VAV2: variants seen among roughly 807,000 people sequenced by gnomAD.
VAV2 encodes the protein guanine nucleotide exchange factor VAV2.
A neutral mutation model predicts 132.5 loss-of-function variants in VAV2; 67 were observed. That is an observed-to-expected ratio of 0.51 (90% CI 0.42 to 0.62). The LOEUF (loss-of-function observed/expected upper bound fraction) is 0.62. VAV2 is among the 20% of genes least tolerant of loss of function. The probability of loss-of-function intolerance (pLI) is 0.00; values close to 1 mark genes in which losing one functional copy is unlikely to be tolerated. For missense variants in VAV2, 938 were observed against 1,153.6 expected, an observed-to-expected ratio of 0.81 and a Z score of 2.71; for synonymous variants, 492 against 443.5, an observed-to-expected ratio of 1.11 and a Z score of -1.37.
chr9:133,988,645 C>A (rs1842926732), intron 1 of VAV2, among the ~76,000 whole-genome samples: 2 of 152,190 alleles, frequency 1.3e-5, no homozygotes, highest in African/African-American at 2.4e-5. Context: ...GAGTTTCAGC[C>A]GGACGCGGGG....
chr9:133,893,693 G>C (rs551529705), intron 2 of VAV2, among the ~76,000 whole-genome samples: 1 of 152,276 alleles, frequency 6.6e-6, no homozygotes, highest in South Asian at 2.1e-4. Flanking sequence ...TTCCTCCGTC[G>C]CCACACGGCA....
In VAV2 at chr9:133,912,833, C is replaced by T. The variant is rs1023978578; in HGVS notation, c.321+26270G>A. Reference sequence around the variant, plus strand: ...CGTTCCGTCCCTCTAAAATCAGAGTCGTCCTGTGAGCCAGTGACCACTCGT... The same window carrying T: ...CGTTCCGTCCCTCTAAAATCAGAGTTGTCCTGTGAGCCAGTGACCACTCGT... On this transcript the variant is annotated intron_variant, in intron 2 of 29. Coordinates refer to ENST00000371850, the MANE Select transcript of VAV2 (RefSeq NM_001134398.2). This position sits in a 1 kb window ranked among gnomAD's most constrained non-coding sequence, Gnocchi z 4.3. Among the ~76,000 whole-genome samples, 3 of 152,200 alleles carry T rather than the reference C, an allele frequency of 2.0e-5. No individual in the cohort carries two copies. Among genetic ancestry groups the T allele is most frequent in the African/African-American group, 4.8e-5 (2 of 41,440 alleles).
intron 5 of VAV2, among the ~76,000 whole-genome samples, chr9:133,811,375 A>G (rs1349686860): frequency 2.0e-5 from 3 of 152,222 alleles, no homozygotes; most frequent in Non-Finnish European, 4.4e-5. Flanking sequence ...AAACACTGAA[A>G]TCAGCTTTCT....
intron 2 of VAV2, among the ~76,000 whole-genome samples, chr9:133,867,843 G>A (rs370567955): frequency 3.3e-5 from 5 of 152,222 alleles, no homozygotes; most frequent in African/African-American, 9.7e-5. Context: ...AGTGTGGGGC[G>A]GTCCACCTGG....
chr9:133,855,363 T>C (rs2510250), intron 3 of VAV2, among the ~76,000 whole-genome samples: 18,780 of 152,220 alleles, frequency 0.12, 3,359 homozygotes, highest in African/African-American at 0.39. Flanking sequence ...GTAGGTGATT[T>C]GGGAAGGCAA....
chr9:133,821,188 G>A (rs934754094), intron 4 of VAV2, among the ~76,000 whole-genome samples: 2 of 152,212 alleles, frequency 1.3e-5, no homozygotes, highest in South Asian at 4.1e-4. Context: ...AGAAGCGTGT[G>A]GAGGCTCCGT....
intron 2 of VAV2, among the ~76,000 whole-genome samples, chr9:133,894,498 C>T (rs560697582): frequency 8.0e-4 from 122 of 152,310 alleles, no homozygotes; most frequent in African/African-American, 2.8e-3. Context: ...GAGAGGCCCC[C>T]AGAAACCCCA....
At chr9:133,861,879 C>T (rs1466520043) in intron 2 of VAV2, among the ~76,000 whole-genome samples, 4 of 152,358 alleles carry the variant, frequency 2.6e-5, no homozygotes, top group East Asian at 3.9e-4. Context: ...CCAGAGAGGT[C>T]AAGTGACCTG....
rs1564471573 is a variant in VAV2 at position 133,926,849 on chromosome 9, C to T, written c.321+12254G>A. On this transcript the variant is annotated intron_variant, in intron 2 of 29. Coordinates refer to ENST00000371850, the MANE Select transcript of VAV2 (RefSeq NM_001134398.2). The surrounding 1 kb of genome is among the most constrained non-coding windows in gnomAD (Gnocchi z 4.3). ...GGCACCAGCTGAGCTAAGCAGAGCA[C>T]ACAGAAGCAGAGAGGACCACCCTCC... Among the ~76,000 whole-genome samples, 1 of 152,318 alleles carries T rather than the reference C, an allele frequency of 6.6e-6. No homozygotes were observed. Among genetic ancestry groups the T allele is most frequent in the East Asian group, 1.9e-4 (1 of 5,186 alleles).
At chr9:133,901,399 G>C (rs528988591) in intron 2 of VAV2, among the ~76,000 whole-genome samples, 1 of 152,344 alleles carries the variant, frequency 6.6e-6, no homozygotes, top group East Asian at 1.9e-4. Flanking sequence ...CACTCTCTGA[G>C]ACTCCTCCCA....
At chr9:133,765,106 C>T (rs594130) in intron 29 of VAV2, among the ~76,000 whole-genome samples, 57,680 of 151,942 alleles carry the variant, frequency 0.38, 11,578 homozygotes, top group Non-Finnish European at 0.44. Flanking sequence ...GTTTTCCTTA[C>T]AGTAGAATGC....
rs115213757 is a variant in VAV2 at position 133,768,199 on chromosome 9, G to A, written c.2589+243C>T. Reference sequence around the variant, plus strand: ...GGGGGGTTCCTAGGAGCCTGGATCCGCATCAGACCTCTGTAGCCGATTTCT... The same window carrying A: ...GGGGGGTTCCTAGGAGCCTGGATCCACATCAGACCTCTGTAGCCGATTTCT... On this transcript the variant is annotated intron_variant, in intron 29 of 29. Coordinates refer to ENST00000371850, the MANE Select transcript of VAV2 (RefSeq NM_001134398.2). This position sits in a 1 kb window ranked among gnomAD's most constrained non-coding sequence, Gnocchi z 5.3. Among the ~76,000 whole-genome samples the A allele has an allele frequency of 1.0e-3, 155 of 152,280 alleles. No homozygotes were observed. The highest frequency in any genetic ancestry group is 3.6e-3 in the African/African-American group (149 of 41,550).
intron 2 of VAV2, among the ~76,000 whole-genome samples, chr9:133,874,441 C>T (rs1838182560): frequency 1.3e-5 from 2 of 152,196 alleles, no homozygotes; most frequent in African/African-American, 4.8e-5. Context: ...GCATCCCAGA[C>T]CCAGGCTGCA....
At chr9:133,799,462 C>T (rs1375706857) in intron 9 of VAV2, among the ~76,000 whole-genome samples, 1 of 152,194 alleles carries the variant, frequency 6.6e-6, no homozygotes, top group Non-Finnish European at 1.5e-5. Context: ...TGAATCTGCT[C>T]GAAGCTCACC....
intron 2 of VAV2, among the ~76,000 whole-genome samples, chr9:133,921,258 C>T (rs1421392798): frequency 6.6e-6 from 1 of 152,194 alleles, no homozygotes; most frequent in African/African-American, 2.4e-5. Context: ...CACTCCACCC[C>T]TGCACCTGGC....
intron 2 of VAV2, among the ~76,000 whole-genome samples, chr9:133,892,295 AAGTG>A (rs1353906944): frequency 6.6e-6 from 1 of 151,532 alleles, no homozygotes; most frequent in African/African-American, 2.4e-5. Flanking sequence ...TGCTGCTAGG[AAGTG>A]AGGCCTCCTG....
At chr9:133,844,146 TTGTC>T (rs1414999833) in intron 3 of VAV2, among the ~76,000 whole-genome samples, 2 of 152,132 alleles carry the variant, frequency 1.3e-5, no homozygotes, top group African/African-American at 4.8e-5. Context: ...CCCCTCTACT[TTGTC>T]TGGGAGAGGA....
rs551875296 is a variant in VAV2, at chr9:133,881,573, G to A, written c.322-20141C>T. Among the ~76,000 whole-genome samples, 4 of 152,324 alleles carry A rather than the reference G, an allele frequency of 2.6e-5. No homozygotes were observed. In the East Asian group the frequency reaches 5.8e-4, roughly 22 times the overall value. On this transcript the variant is annotated intron_variant, in intron 2 of 29. Transcript: ENST00000371850. ...GTCCACAGCTGGGAACACAAGGAAG[G>A]GGGAAGGTGCAGAGAAAGGCCTGAG... is the stretch of plus-strand genomic sequence containing the variant.
chr9:133,924,995 T>A (rs1460763765), intron 2 of VAV2, among the ~76,000 whole-genome samples: 1 of 152,222 alleles, frequency 6.6e-6, no homozygotes, highest in Non-Finnish European at 1.5e-5. Context: ...ATTCCACTTA[T>A]ATGAAATGTC....
Sources: gnomAD v4.1 joint callset for allele counts (sites outside exome capture counted in the v4.1 genomes callset) on GRCh38, gnomAD v4.1.1 for gene constraint, Gnocchi (gnomAD v3.1) non-coding constraint, MANE v1.5 for transcripts, NCBI Gene and HGNC (gene_info 2026-07-23, HGNC 2026-07-21) for gene names.